The following ERAP2 variants were observed in gnomAD, a reference collection of about 807,000 sequenced individuals.
ERAP2 encodes the protein leukocyte-derived arginine aminopeptidase.
ERAP2 carries 118 observed loss-of-function variants against 111.1 expected under a neutral mutation model. That is an observed-to-expected ratio of 1.06 (90% confidence interval 0.92 to 1.24). The LOEUF is 1.24. ERAP2 is among the 50% of genes most tolerant of loss of function. The pLI is 0.00. For missense variants in ERAP2, 1,131 were observed against 1,125.8 expected (o/e 1.00, Z -0.07); for synonymous variants, 410 against 401.2 (o/e 1.02, Z -0.26).
intron 15 of ERAP2, among the ~76,000 whole-genome samples, chr5:96,911,689 T>C (rs1786752972): frequency 6.6e-6 from 1 of 151,370 alleles, no homozygotes; most frequent in African/African-American, 2.4e-5. Context: ...CTTGTCAACA[T>C]AGTGAGAGCC....
At chr5:96,911,186 A>G (rs1786693600) in intron 15 of ERAP2, among the ~76,000 whole-genome samples, 1 of 152,232 alleles carries the variant, frequency 6.6e-6, no homozygotes, top group Non-Finnish European at 1.5e-5. Context: ...CGCTTAAAAA[A>G]ATCAGGATAA....
Position 96,915,760 on chromosome 5 carries a change from G to A in ERAP2, c.2730G>A (p.Lys910=). 1 of 1,599,838 alleles carries A rather than the reference G, an allele frequency of 6.3e-7. No homozygotes were observed. The part of the protein sequence containing the change: ...GTTAHFSSKD[K]LQEVKLFFES... ...CAGCTCACTTTTCTTCCAAGGATAAGTTGCAAGAGGTTTGTGACTTTCTGT... is the reference window on the plus strand; with the variant it reads ...CAGCTCACTTTTCTTCCAAGGATAAATTGCAAGAGGTTTGTGACTTTCTGT... Residue 910 remains lysine (K), a synonymous_variant, in exon 18 of 19, where the codon AAG becomes AAA. Transcript: ENST00000437043.
At chr5:96,899,051 G>C (rs1321388034) in intron 9 of ERAP2, among the ~76,000 whole-genome samples, 1 of 152,166 alleles carries the variant, frequency 6.6e-6, no homozygotes, top group Non-Finnish European at 1.5e-5. Context: ...GCAATTACCA[G>C]ATCATTTTAG....
intron 9 of ERAP2, among the ~76,000 whole-genome samples, chr5:96,898,812 G>A (rs1401298254): frequency 6.6e-6 from 1 of 151,926 alleles, no homozygotes; most frequent in African/African-American, 2.4e-5. Flanking sequence ...ATCACCCACC[G>A]TCAGTGGTCC....
rs753024298 is a variant in ERAP2, at chr5:96,912,779, C to T, written c.2497C>T (p.His833Tyr). Residue 833 changes from histidine to tyrosine, a missense_variant, in exon 16 of 19, where the codon CAT (histidine) becomes TAT (tyrosine). His to Tyr is a moderately conservative substitution (Grantham distance 83). Around this residue, in one of 3 missense-constraint regions of ERAP2, gnomAD observed 279 missense variants for 250.9 expected, o/e 1.11. Transcript: ENST00000437043. ...KILYALSTSK[H>Y]QEKLLKLIEL... ...TCTGTATGCTTTGTCAACGAGCAAG[C>T]ATCAGGAAAAGTTACTGAAGTAAGT... 13 of 1,598,600 alleles carry T rather than the reference C, an allele frequency of 8.1e-6. No homozygotes were observed. The highest frequency in any genetic ancestry group is 1.4e-5 in the African/African-American group (1 of 73,768).
In ERAP2 at chr5:96,901,532, G is replaced by C. The variant is rs760272722; in HGVS notation, c.1599G>C (p.Glu533Asp). The C allele has an allele frequency of 1.9e-6, 3 of 1,613,806 alleles. No individual in the cohort carries two copies. Among genetic ancestry groups the C allele is most frequent in the East Asian group, 4.5e-5 (2 of 44,892 alleles). Residue 533 changes from glutamate (E) to aspartate (D), a missense_variant, in exon 11 of 19, where the codon GAG becomes GAC. By Grantham distance (45) the Glu-to-Asp change is conservative. This residue lies in a region of ERAP2 where 847 missense variants were observed against 856.5 expected (regional missense o/e 0.99). Transcript: ENST00000437043. The part of the protein sequence containing the change: ...NMLAFLGENA[E>D]VKEMMTTWTL... Reference sequence around the variant, plus strand: ...TCGCCTTTCTGGGGGAAAATGCAGAGGTCAAAGAGATGATGACTACATGGA... The same window carrying C: ...TCGCCTTTCTGGGGGAAAATGCAGACGTCAAAGAGATGATGACTACATGGA...
At chr5:96,914,297 C>T (rs1787141236) in intron 17 of ERAP2, among the ~76,000 whole-genome samples, 1 of 152,124 alleles carries the variant, frequency 6.6e-6, no homozygotes, top group Admixed American at 6.5e-5. Flanking sequence ...CAGTTAGCAT[C>T]CCTGATATCA....
intron 17 of ERAP2, 134 bp from the exon 18 acceptor site, chr5:96,915,554 T>C: frequency 2.3e-6 from 1 of 430,918 alleles, no homozygotes; most frequent in Admixed American, 4.3e-5. Context: ...GTTATTATGG[T>C]AATTCACCGT....
upstream of ERAP2, chr5:96,876,463 T>A (rs558009131): frequency 6.6e-6 from 1 of 152,358 alleles, no homozygotes; most frequent in South Asian, 2.1e-4. Flanking sequence ...TTCTGAATCT[T>A]AGAACAGAAA....
chr5:96,882,254 C>T (rs759698285), intron 2 of ERAP2, among the ~76,000 whole-genome samples: 6 of 152,212 alleles, frequency 3.9e-5, no homozygotes, highest in South Asian at 2.1e-4. Context: ...TTTCAAATGC[C>T]GAAGGCCCCA....
At chr5:96,907,588 A>C (rs1342978471) in intron 13 of ERAP2, among the ~76,000 whole-genome samples, 2 of 118,430 alleles carry the variant, frequency 1.7e-5, no homozygotes, top group Admixed American at 1.7e-4. Flanking sequence ...TTTTTTTTTA[A>C]TACGGCAGAC....
chr5:96,916,221 AAAAAAAC>A (rs1307068001), intron 18 of ERAP2, among the ~76,000 whole-genome samples: 1 of 129,716 alleles, frequency 7.7e-6, no homozygotes, highest in Admixed American at 7.6e-5. Flanking sequence ...ACTCCATCTC[AAAAAAAC>A]AAAAAACAAA....
intron 13 of ERAP2, among the ~76,000 whole-genome samples, 158 bp downstream of exon 13, chr5:96,903,718 C>T (rs985146201): frequency 2.6e-5 from 4 of 151,944 alleles, no homozygotes; most frequent in African/African-American, 9.7e-5. Context: ...CCACTAATAA[C>T]GTATTTTGAC....
chr5:96,892,186 C>A lies in ERAP2; in HGVS notation c.971-113C>A. 5.5e-6 allele frequency: 6 copies of A among 1,094,548 alleles called. No homozygotes were observed. In the South Asian group the frequency reaches 7.8e-5, roughly 14 times the overall value. 67.8% of individuals were successfully genotyped at this position (1,094,548 alleles called of 1,614,324 possible). A position where few individuals can be genotyped will look rare whatever the true frequency, so the allele number is the denominator to read the frequency against. The stretch of plus-strand genomic sequence containing the variant: ...AATGTTAAGATATTCTTGATGTTTT[C>A]AAAAAGTCTGCTTAAATATGCTTAA... On this transcript the variant is annotated intron_variant, in intron 5 of 18. Coordinates refer to ENST00000437043, the MANE Select transcript of ERAP2 (RefSeq NM_022350.5).
rs1197252970 is a variant in ERAP2, at chr5:96,908,942, C to T, written c.2013-19C>T. On this transcript the variant is annotated intron_variant, in intron 13 of 18. Coordinates refer to ENST00000437043, the MANE Select transcript of ERAP2 (RefSeq NM_022350.5). The stretch of plus-strand genomic sequence containing the variant: ...CTATAAGATATGCACAAACCACTGA[C>T]ATTTGTTTTATACTTCAGTGCAGGG... The T allele has an allele frequency of 6.2e-7, 1 of 1,605,794 alleles. No individual in the cohort carries two copies. The highest frequency in any genetic ancestry group is 1.3e-5 in the African/African-American group (1 of 74,504).
chr5:96,912,146 G>A (rs1408226466), intron 15 of ERAP2, among the ~76,000 whole-genome samples: 2 of 141,788 alleles, frequency 1.4e-5, no homozygotes, highest in African/African-American at 5.3e-5. Flanking sequence ...AGCCCAGATC[G>A]CGCCACTGCA....
chr5:96,918,457 A>G lies in ERAP2; in HGVS notation c.*852A>G, dbSNP rs1308913385. ...AACTAGGTGTCAGGGTTTATCAAGA[A>G]GGCCAGGAAGGCCTTTTGGGTTAAG... On this transcript the variant is annotated 3_prime_UTR_variant, in exon 19 of 19. Coordinates refer to ENST00000437043, the MANE Select transcript of ERAP2 (RefSeq NM_022350.5). 1 of 152,250 alleles carries G rather than the reference A, an allele frequency of 6.6e-6. No homozygotes were observed. Among genetic ancestry groups the G allele is most frequent in the East Asian group, 1.9e-4 (1 of 5,202 alleles). The allele number at this position is 152,250 out of a possible 1,614,324, so 9.4% of individuals were successfully genotyped here. A position where few individuals can be genotyped will look rare whatever the true frequency, so the allele number is the denominator to read the frequency against.
intron 3 of ERAP2, 110 bp downstream of exon 3, chr5:96,884,040 A>G: frequency 3.9e-6 from 1 of 258,540 alleles, no homozygotes; most frequent in Non-Finnish European, 7.2e-6. Context: ...GTTTTTATCT[A>G]TCTATCTATC....
At chr5:96,908,344 GAAT>G (rs1177413360) in intron 13 of ERAP2, among the ~76,000 whole-genome samples, 3 of 152,166 alleles carry the variant, frequency 2.0e-5, no homozygotes, top group Admixed American at 6.5e-5. Context: ...TTTGTACTTA[GAAT>G]AATAAACCTG....
Sources: allele counts gnomAD v4.1 joint callset (sites outside exome capture counted in the v4.1 genomes callset), GRCh38; gene constraint gnomAD v4.1.1; regional missense constraint gnomAD v4.1.1; transcripts MANE v1.5; gene names NCBI Gene and HGNC (gene_info 2026-07-23, HGNC 2026-07-21).